Variants in RAB3A observed in about 807,000 individuals in gnomAD.
The protein encoded by RAB3A is RAB3A, member RAS oncogene family.
In RAB3A, 5 loss-of-function variants were observed where a neutral mutation model predicts 19.7. The ratio of observed to expected loss-of-function variants is 0.25; its 90% CI spans 0.13 to 0.53. The LOEUF (loss-of-function observed/expected upper bound fraction) is 0.53, where lower values mean the gene tolerates loss of function less well. Among genes scored for constraint, RAB3A ranks in the 20% least tolerant of loss-of-function variants. The probability of loss-of-function intolerance (pLI) is 0.95; values close to 1 mark genes in which losing one functional copy is unlikely to be tolerated. For synonymous variants in RAB3A, 119 were observed against 122.1 expected (o/e 0.97, Z 0.17); for missense variants, 189 against 305.6 (o/e 0.62, Z 2.85).
At chr19:18,197,700 C>G in intron 4 of RAB3A, 40 bp from the exon 5 acceptor site, 6 of 1,520,604 alleles carry the variant, frequency 3.9e-6, no homozygotes, top group Non-Finnish European at 5.3e-6. Context: ...CCTGGCCACG[C>G]CCTATGCCAA....
At chr19:18,200,490 C>G in intron 2 of RAB3A, 45 bp from the exon 3 acceptor site, 1 of 1,480,842 alleles carries the variant, frequency 6.8e-7, no homozygotes, top group Non-Finnish European at 9.3e-7. Flanking sequence ...GCACATAAGG[C>G]CCTCGAAGAG....
chr19:18,202,569 C>T lies in RAB3A; in HGVS notation c.172G>A (p.Asp58Asn). The T allele has an allele frequency of 6.2e-7, 1 of 1,614,188 alleles. No homozygotes were observed. Among genetic ancestry groups the T allele is most frequent in the Non-Finnish European group, 8.5e-7 (1 of 1,180,036 alleles). ...TPAFVSTVGIDFKVKTIYRND... is the reference protein window; with the variant it reads ...TPAFVSTVGINFKVKTIYRND... ...CGATAGATGGTCTTGACCTTGAAGT[C>T]GATGCCCACGGTGCTGACGAAGGCA... Residue 58 changes from aspartate to asparagine, a missense_variant, in exon 2 of 5, where the codon GAC (aspartate) becomes AAC (asparagine). By Grantham distance (23) the Asp-to-Asn change is conservative (BLOSUM62 1). Coordinates refer to ENST00000222256, the MANE Select transcript of RAB3A (RefSeq NM_002866.5). This position sits in a 1 kb window ranked among gnomAD's most constrained non-coding sequence, Gnocchi z 4.2.
Position 18,197,375 on chromosome 19 carries a change from T to C in RAB3A, c.*95A>G. On this transcript the variant is annotated 3_prime_UTR_variant, in exon 5 of 5. Transcript: ENST00000222256. ...TGACGGGCTAAGTCAGGAGCAGGGGTCTTGTGCCCGTGGCTGGTAGGGGCC... is the reference window on the plus strand; with the variant it reads ...TGACGGGCTAAGTCAGGAGCAGGGGCCTTGTGCCCGTGGCTGGTAGGGGCC... 2.7e-6 allele frequency: 3 copies of C among 1,126,160 alleles called. No homozygotes were observed. The highest frequency in any genetic ancestry group is 2.5e-6 in the Non-Finnish European group (2 of 784,472). 69.8% of individuals were successfully genotyped at this position (1,126,160 alleles called of 1,614,324 possible).
rs887936411 is a variant in RAB3A at position 18,196,840 on chromosome 19, A to C, written c.*630T>G. The C allele has an allele frequency of 8.8e-6, 2 of 226,556 alleles. No homozygotes were observed. Among genetic ancestry groups the C allele is most frequent in the Admixed American group, 1.2e-4 (2 of 17,272 alleles). The allele number at this position is 226,556 out of a possible 1,614,324, so 14.0% of individuals were successfully genotyped here. A position where few individuals can be genotyped will look rare whatever the true frequency, so the allele number is the denominator to read the frequency against. ...TTTATTGGGTGCGTGTAGTGTTGTC[A>C]TGACATCTCCTAAGGAACTGGGGGG... is the stretch of plus-strand genomic sequence containing the variant. On this transcript the variant is annotated 3_prime_UTR_variant, in exon 5 of 5. Coordinates refer to ENST00000222256, the MANE Select transcript of RAB3A (RefSeq NM_002866.5).
chr19:18,201,263 A>AAAAGAAAGAAAG (rs71164380), intron 2 of RAB3A, among the ~76,000 whole-genome samples: 34 of 121,784 alleles, frequency 2.8e-4, no homozygotes, highest in Middle Eastern at 4.3e-3. Context: ...AAAAAAAAAA[A>AAAAGAAAGAAAG]AAAGAAAGAA....
At chr19:18,198,334 T>G (rs1406248726) in intron 4 of RAB3A, among the ~76,000 whole-genome samples, 1 of 152,178 alleles carries the variant, frequency 6.6e-6, no homozygotes, top group African/African-American at 2.4e-5. Flanking sequence ...CCTTTCTCAC[T>G]GCAAGCCTTT....
Position 18,197,585 on chromosome 19 carries a change from A to T in RAB3A, c.548T>A (p.Ile183Asn). 1 of 1,614,022 alleles carries T rather than the reference A, an allele frequency of 6.2e-7. No homozygotes were observed. Among genetic ancestry groups the T allele is most frequent in the Non-Finnish European group, 8.5e-7 (1 of 1,179,978 alleles). Residue 183 changes from isoleucine to asparagine, a missense_variant, in exon 5 of 5, where the codon ATC (isoleucine) becomes AAC (asparagine). Ile to Asn is a moderately radical substitution (Grantham distance 149). Coordinates refer to ENST00000222256, the MANE Select transcript of RAB3A (RefSeq NM_002866.5). ...CAACGACTCGGACATCTTCTCGCAG[A>T]TGACATCCACCAGGCGCTCAAAGGT... ...KQTFERLVDVICEKMSESLDT... is the reference protein window; with the variant it reads ...KQTFERLVDVNCEKMSESLDT...
chr19:18,197,287 G>C lies in RAB3A; in HGVS notation c.*183C>G, dbSNP rs1600026327. On this transcript the variant is annotated 3_prime_UTR_variant, in exon 5 of 5. Transcript: ENST00000222256. ...GGGGCAGGGCTTGGGGCGGGCAGGG[G>C]AGCCTGGGCCCCTGGGGGACATCTT... is the stretch of plus-strand genomic sequence containing the variant. 1.6e-6 allele frequency: 1 copy of C among 611,824 alleles called. No individual in the cohort carries two copies. The highest frequency in any genetic ancestry group is 3.0e-5 in the East Asian group (1 of 33,674). 37.9% of individuals were successfully genotyped at this position (611,824 alleles called of 1,614,324 possible).
At chr19:18,200,771 C>T (rs1286313687) in intron 2 of RAB3A, among the ~76,000 whole-genome samples, 2 of 151,906 alleles carry the variant, frequency 1.3e-5, no homozygotes, top group African/African-American at 4.8e-5. Context: ...CCCATCTCTA[C>T]AAAAAGTACA....
chr19:18,203,115 C>T (rs1193537334), intron 1 of RAB3A, among the ~76,000 whole-genome samples: 2 of 152,206 alleles, frequency 1.3e-5, no homozygotes, highest in Non-Finnish European at 2.9e-5. Flanking sequence ...CGCGGCCCCA[C>T]GTGCACCGCG....
In RAB3A at chr19:18,196,813, G is replaced by A. The variant is rs370913989; in HGVS notation, c.*657C>T. The A allele has an allele frequency of 6.9e-5, 20 of 288,644 alleles. No homozygotes were observed. The highest frequency in any genetic ancestry group is 6.3e-4 in the East Asian group (7 of 11,164). The allele number at this position is 288,644 out of a possible 1,614,324, so 17.9% of individuals were successfully genotyped here. The stretch of plus-strand genomic sequence containing the variant: ...AGGGACACACATGGATGGTCCATTC[G>A]CTTTATTGGGTGCGTGTAGTGTTGT... On this transcript the variant is annotated 3_prime_UTR_variant, in exon 5 of 5. Coordinates refer to ENST00000222256, the MANE Select transcript of RAB3A (RefSeq NM_002866.5).
chr19:18,197,704 A>G lies in RAB3A; in HGVS notation c.473-44T>C, dbSNP rs369783175. 141 of 1,505,132 alleles carry G rather than the reference A, an allele frequency of 9.4e-5. No homozygotes were observed. The African/African-American group carries it at 1.8e-3, about 19-fold the overall frequency. 93.2% of individuals were successfully genotyped at this position (1,505,132 alleles called of 1,614,324 possible). A position where few individuals can be genotyped will look rare whatever the true frequency, so the allele number is the denominator to read the frequency against. On this transcript the variant is annotated intron_variant, in intron 4 of 4. Transcript: ENST00000222256. ...GGGATGAGGACCCTGGCCACGCCCT[A>G]TGCCAACTCCCAGAGATGCTTCTCT...
At chr19:18,200,513 G>T (rs1967593303) in intron 2 of RAB3A, 68 bp from the exon 3 acceptor site, 2 of 1,317,002 alleles carry the variant, frequency 1.5e-6, no homozygotes, top group Non-Finnish European at 2.1e-6. Flanking sequence ...AATGAGCTCT[G>T]ATATCATCCA....
intron 3 of RAB3A, among the ~76,000 whole-genome samples, chr19:18,199,891 T>G (rs1178840642): frequency 6.6e-6 from 1 of 152,164 alleles, no homozygotes; most frequent in Admixed American, 6.6e-5. Flanking sequence ...TCTATATGGT[T>G]ATAGTTTTAC....
At chr19:18,201,745 A>G (rs1416206713) in intron 2 of RAB3A, among the ~76,000 whole-genome samples, 1 of 152,188 alleles carries the variant, frequency 6.6e-6, no homozygotes, top group East Asian at 1.9e-4. Context: ...AATGTATCCT[A>G]TATTGGAGAG....
At chr19:18,200,847 G>T (rs537115118) in intron 2 of RAB3A, among the ~76,000 whole-genome samples, 2 of 152,006 alleles carry the variant, frequency 1.3e-5, no homozygotes, top group African/African-American at 4.8e-5. Context: ...AGGTGAGAGG[G>T]TTGCTTGAGC....
At chr19:18,199,031 AC>A (rs1334066289) in intron 3 of RAB3A, among the ~76,000 whole-genome samples, 182 bp from the exon 4 acceptor site, 2 of 151,292 alleles carry the variant, frequency 1.3e-5, no homozygotes, top group African/African-American at 4.9e-5. Flanking sequence ...CCCCCGACTG[AC>A]CCATTATTGT....
chr19:18,200,316 G>T lies in RAB3A; in HGVS notation c.347+11C>A. The T allele has an allele frequency of 6.3e-7, 1 of 1,577,334 alleles. No homozygotes were observed. On this transcript the variant is annotated intron_variant, in intron 3 of 4. Transcript: ENST00000222256. The stretch of plus-strand genomic sequence containing the variant: ...GAAAAGAAAAAAAAAGAGCAAGTGG[G>T]GTACACTCACCAGTCCTGCACTGCA...
intron 2 of RAB3A, among the ~76,000 whole-genome samples, chr19:18,201,439 A>G (rs566836059): frequency 6.6e-6 from 1 of 151,518 alleles, no homozygotes; most frequent in African/African-American, 2.4e-5. Context: ...AAAAAAAATT[A>G]GCTGGGCTTG....
Sources: gnomAD v4.1 joint callset for allele counts (sites outside exome capture counted in the v4.1 genomes callset) on GRCh38, gnomAD v4.1.1 for gene constraint, Gnocchi (gnomAD v3.1) non-coding constraint, MANE v1.5 for transcripts, NCBI Gene and HGNC (gene_info 2026-07-23, HGNC 2026-07-21) for gene names.